Variants in SYT7 observed in about 807,000 individuals in gnomAD.
SYT7 encodes the protein synaptotagmin 7.
SYT7 carries 29 observed loss-of-function variants against 75.1 expected under a neutral mutation model. That is an observed-to-expected ratio of 0.39 (90% CI 0.29 to 0.53). SYT7 has a LOEUF of 0.53. Ranked by LOEUF, SYT7 falls within the 20% of genes least tolerant of loss-of-function variation. SYT7 has a pLI of 0.77. For synonymous variants in SYT7, 376 were observed against 401.7 expected (o/e 0.94, Z 0.76); for missense variants, 693 against 953.2 (o/e 0.73, Z 3.59).
chr11:61,567,872 A>G (rs1300901258), intron 1 of SYT7, among the ~76,000 whole-genome samples: 1 of 151,960 alleles, frequency 6.6e-6, no homozygotes, highest in East Asian at 1.9e-4. Flanking sequence ...ACACCCGCAC[A>G]CTCCAGCCTG....
intron 1 of SYT7, among the ~76,000 whole-genome samples, chr11:61,573,517 C>A (rs1245465638): frequency 6.6e-6 from 1 of 152,234 alleles, no homozygotes; most frequent in Non-Finnish European, 1.5e-5. Context: ...TTCCCACCCT[C>A]CACACTACCG....
intron 1 of SYT7, among the ~76,000 whole-genome samples, chr11:61,563,909 C>T (rs2063703785): frequency 6.6e-6 from 1 of 152,218 alleles, no homozygotes; most frequent in Non-Finnish European, 1.5e-5. Flanking sequence ...AAGTCTGGTA[C>T]ACAGGAGAGG....
intron 6 of SYT7, among the ~76,000 whole-genome samples, chr11:61,538,711 A>C (rs2062955331): frequency 2.0e-5 from 3 of 152,146 alleles, no homozygotes; most frequent in Admixed American, 2.0e-4. Flanking sequence ...TCCAACTGCT[A>C]ATGCATGCCC....
At chr11:61,540,552 T>C (rs1419733737) in intron 6 of SYT7, 83 of 985,526 alleles carry the variant, frequency 8.4e-5, no homozygotes, top group Non-Finnish European at 1.0e-4. Flanking sequence ...TAGGGGGACA[T>C]GAGACTTGTC....
chr11:61,587,365 C>T, the SYT7 span, among the ~76,000 whole-genome samples: 2 of 152,350 alleles, frequency 1.3e-5, no homozygotes, highest in East Asian at 3.9e-4. Context: ...CTCTTCTTCC[C>T]GCCCAGCTGA....
rs1452355759 is a variant in SYT7, at chr11:61,524,576, C to T, written c.1472-44G>A. ...GTGAGTGAAGAGGGGGACAGAGGGG[C>T]TGCACGGGGCCCGGGAGGCAAGGAA... On this transcript the variant is annotated intron_variant, in intron 9 of 12. Coordinates refer to ENST00000539008, the MANE Select transcript of SYT7 (RefSeq NM_001365809.2). The surrounding 1 kb of genome is among the most constrained non-coding windows in gnomAD (Gnocchi z 4.1). The T allele has an allele frequency of 1.3e-6, 2 of 1,525,568 alleles. No homozygotes were observed. The highest frequency in any genetic ancestry group is 1.8e-6 in the Non-Finnish European group (2 of 1,133,604). The allele number at this position is 1,525,568 out of a possible 1,614,324, so 94.5% of individuals were successfully genotyped here.
intron 1 of SYT7, among the ~76,000 whole-genome samples, chr11:61,571,958 T>G (rs2063933880): frequency 6.6e-6 from 1 of 152,158 alleles, no homozygotes. Context: ...AAGTTACCAT[T>G]GCACCCTTCA....
intron 1 of SYT7, among the ~76,000 whole-genome samples, chr11:61,573,040 G>A (rs1235309948): frequency 5.3e-5 from 8 of 152,144 alleles, no homozygotes. Flanking sequence ...CGCTGTGAAT[G>A]GGTCCCTGTG....
Position 61,546,177 on chromosome 11 carries a change from C to CT in SYT7, c.425dup (p.Pro143AlafsTer62). The CT allele has an allele frequency of 6.6e-7, 1 of 1,521,586 alleles. No individual in the cohort carries two copies. The highest frequency in any genetic ancestry group is 8.8e-7 in the Non-Finnish European group (1 of 1,141,284). The allele number at this position is 1,521,586 out of a possible 1,614,324, so 94.3% of individuals were successfully genotyped here. ...CTCCGGGTGGCGGCACCGGTGCCGGCTTCTCCCCCAGCCGGCCTTCCCGCT... is the reference window on the plus strand; with the variant it reads ...CTCCGGGTGGCGGCACCGGTGCCGGCTTTCTCCCCCAGCCGGCCTTCCCGCT... On this transcript the variant is annotated frameshift_variant, in exon 5 of 13. Transcript: ENST00000539008. LOFTEE classifies it high-confidence loss of function. The surrounding 1 kb of genome is among the most constrained non-coding windows in gnomAD (Gnocchi z 7.6).
chr11:61,521,518 C>T (rs943190493), intron 12 of SYT7, among the ~76,000 whole-genome samples: 2 of 152,188 alleles, frequency 1.3e-5, no homozygotes, highest in Non-Finnish European at 2.9e-5. Flanking sequence ...GGAGTTGTCT[C>T]ACCTGTGACC....
chr11:61,570,257 C>T (rs1190989701), intron 1 of SYT7, among the ~76,000 whole-genome samples: 2 of 152,146 alleles, frequency 1.3e-5, no homozygotes, highest in Non-Finnish European at 2.9e-5. Context: ...CAAGTCATGG[C>T]TGCCAGCAAG....
chr11:61,537,588 CAGGGGAGAGCCTTCTGGTTATTTCT>C (rs1027063492), intron 7 of SYT7, among the ~76,000 whole-genome samples: 29 of 152,098 alleles, frequency 1.9e-4, no homozygotes, highest in Admixed American at 3.3e-4. Context: ...TGCCCGGGCT[CAGGGGAGAGCCTTCTGGTTATTTCT>C]GGTCACCAGG....
Position 61,581,000 on chromosome 11 carries a change from G to T in SYT7, c.-180C>A, listed in dbSNP as rs2064252473. On this transcript the variant is annotated 5_prime_UTR_variant, in exon 1 of 13. Coordinates refer to ENST00000539008, the MANE Select transcript of SYT7 (RefSeq NM_001365809.2). This position sits in a 1 kb window ranked among gnomAD's most constrained non-coding sequence, Gnocchi z 6.1. ...GCGGGGGCCGCCCGCCAGCCCTCCC[G>T]CCCGCCCGCGGAGCACGCTGCCGCC... 1 of 395,854 alleles carries T rather than the reference G, an allele frequency of 2.5e-6. No homozygotes were observed. Among genetic ancestry groups the T allele is most frequent in the Non-Finnish European group, 3.3e-6 (1 of 298,688 alleles). The allele number at this position is 395,854 out of a possible 1,614,324, so 24.5% of individuals were successfully genotyped here.
rs920489783 is a variant in SYT7, at chr11:61,551,178, G to A, written c.215+206C>T. Among the ~76,000 whole-genome samples, 2 of 152,114 alleles carry A rather than the reference G, an allele frequency of 1.3e-5. No homozygotes were observed. Among genetic ancestry groups the A allele is most frequent in the African/African-American group, 2.4e-5 (1 of 41,424 alleles). ...AGCGGAAACGGAGGCCAGGGACTCC[G>A]GAGCACTACGAGGGGCTTGGGCACA... On this transcript the variant is annotated intron_variant, in intron 3 of 12. Transcript: ENST00000539008. This position sits in a 1 kb window ranked among gnomAD's most constrained non-coding sequence, Gnocchi z 5.3.
At chr11:61,525,730 G>A (rs1299503644) in intron 9 of SYT7, 4 of 152,126 alleles carry the variant, frequency 2.6e-5, no homozygotes, top group Non-Finnish European at 5.9e-5. Context: ...ACCGCTTCTG[G>A]CACATAGTAG....
rs1296495154 is a variant in SYT7 at position 61,528,182 on chromosome 11, A to G, written c.1204T>C (p.Ser402Pro). Residue 402 changes from serine to proline, a missense_variant, in exon 9 of 13, where the codon TCC (serine) becomes CCC (proline). Around this residue, in one of 2 missense-constraint regions of SYT7, gnomAD observed 487 missense variants for 593.2 expected, o/e 0.82. Coordinates refer to ENST00000539008, the MANE Select transcript of SYT7 (RefSeq NM_001365809.2). ...NSLTSEMLML[S>P]PGSEEDEAHE... ...GCCTCATCCTCCTCGGAGCCTGGGG[A>G]GAGCTGGGGGTGGGGGAGAGGCCGG... 1.2e-6 allele frequency: 2 copies of G among 1,610,644 alleles called. No individual in the cohort carries two copies. The highest frequency in any genetic ancestry group is 1.7e-6 in the Non-Finnish European group (2 of 1,179,690).
upstream of SYT7, among the ~76,000 whole-genome samples, chr11:61,584,920 C>T (rs1190495397): frequency 1.3e-5 from 2 of 152,248 alleles, no homozygotes; most frequent in African/African-American, 2.4e-5. Context: ...CATTCTGTTT[C>T]GTTGCTGGTC....
rs760335386 is a variant in SYT7, at chr11:61,551,408, C to T, written c.191G>A (p.Gly64Glu). Residue 64 changes from glycine to glutamate, a missense_variant, in exon 3 of 13, where the codon GGG (glycine) becomes GAG (glutamate). This residue lies in a region of SYT7 where 487 missense variants were observed against 593.2 expected (regional missense o/e 0.82). Transcript: ENST00000539008. The surrounding 1 kb of genome is among the most constrained non-coding windows in gnomAD (Gnocchi z 5.3). ...ETVGTPDSGRGRSEKKAINDL... is the reference protein window; with the variant it reads ...ETVGTPDSGRERSEKKAINDL... ...CTTGATAGCCTTCTTCTCACTGCGC[C>T]CACGCCCTGAGTCTGGCGTGCCCAC... The T allele has an allele frequency of 2.5e-6, 4 of 1,613,906 alleles. No homozygotes were observed. In the Admixed American group the frequency reaches 6.7e-5, roughly 27 times the overall value.
intron 5 of SYT7, among the ~76,000 whole-genome samples, chr11:61,545,428 G>A (rs1003664198): frequency 1.3e-5 from 2 of 152,248 alleles, no homozygotes; most frequent in African/African-American, 4.8e-5. Context: ...GGGGATGGCT[G>A]AGATGAGGAT....
Sources: allele counts gnomAD v4.1 joint callset (sites outside exome capture counted in the v4.1 genomes callset), GRCh38; gene constraint gnomAD v4.1.1; regional missense constraint gnomAD v4.1.1; non-coding constraint Gnocchi (gnomAD v3.1); transcripts MANE v1.5; gene names NCBI Gene and HGNC (gene_info 2026-07-23, HGNC 2026-07-21).